AXDND1: variants seen among roughly 807,000 people sequenced by gnomAD.
The protein encoded by AXDND1 is axonemal dynein light chain domain containing 1.
A neutral mutation model predicts 137.5 loss-of-function variants in AXDND1; 110 were observed. The observed-to-expected ratio is 0.80, with a 90% confidence interval of 0.69 to 0.94. The LOEUF (loss-of-function observed/expected upper bound fraction) is 0.94, where lower values mean the gene tolerates loss of function less well. Ranked by LOEUF, AXDND1 falls within the 40% of genes least tolerant of loss-of-function variation. The pLI, the probability that AXDND1 is intolerant of heterozygous loss-of-function variation, is 0.00. For synonymous variants in AXDND1, 414 were observed against 399.7 expected (o/e 1.04, Z -0.43); for missense variants, 1,191 against 1,169.8 (o/e 1.02, Z -0.26).
chr1:179,461,003 C>G (rs889649782), intron 16 of AXDND1, among the ~76,000 whole-genome samples: 1 of 152,118 alleles, frequency 6.6e-6, no homozygotes, highest in Non-Finnish European at 1.5e-5. Flanking sequence ...CTGTAGGTTG[C>G]TTGTTCACTC....
intron 21 of AXDND1, among the ~76,000 whole-genome samples, chr1:179,516,577 G>A (rs1669559660): frequency 6.6e-6 from 1 of 152,132 alleles, no homozygotes; most frequent in African/African-American, 2.4e-5. Flanking sequence ...TTCTCATTTG[G>A]GTAGGCTCTG....
At chr1:179,527,122 G>A (rs1670604641) in intron 22 of AXDND1, among the ~76,000 whole-genome samples, 1 of 152,128 alleles carries the variant, frequency 6.6e-6, no homozygotes, top group Non-Finnish European at 1.5e-5. Flanking sequence ...TAGCCTTAAG[G>A]GCTGCTGGTT....
At chr1:179,418,667 G>A in intron 12 of AXDND1, among the ~76,000 whole-genome samples, 1 of 141,292 alleles carries the variant, frequency 7.1e-6, no homozygotes, top group East Asian at 2.0e-4. Context: ...CGGGTGGGGG[G>A]CCGACACCAC....
chr1:179,504,137 A>G (rs1247315076), intron 20 of AXDND1, among the ~76,000 whole-genome samples: 2 of 152,218 alleles, frequency 1.3e-5, no homozygotes, highest in African/African-American at 4.8e-5. Flanking sequence ...TACTATAGGT[A>G]TATATCACTT....
chr1:179,480,505 T>G (rs1219896796), intron 17 of AXDND1, among the ~76,000 whole-genome samples: 1 of 152,106 alleles, frequency 6.6e-6, no homozygotes. Context: ...CAAGATGAGA[T>G]TTGGGTGGGG....
chr1:179,497,552 A>G (rs1558270070), intron 20 of AXDND1, among the ~76,000 whole-genome samples: 1 of 152,168 alleles, frequency 6.6e-6, no homozygotes, highest in East Asian at 1.9e-4. Context: ...CCAACATCGT[A>G]CTGAATTCAG....
chr1:179,379,342 A>G, intron 5 of AXDND1, 55 bp from the exon 6 acceptor site: 2 of 1,557,162 alleles, frequency 1.3e-6, no homozygotes, highest in South Asian at 1.2e-5. Context: ...GTGCAAGTGA[A>G]TTTTTTCTCT....
At chr1:179,506,979 A>G (rs947597021) in intron 20 of AXDND1, 1 of 842,690 alleles carries the variant, frequency 1.2e-6, no homozygotes, top group African/African-American at 1.8e-5. Flanking sequence ...TGGATCATGG[A>G]TTCTTAATAG....
chr1:179,472,477 A>G (rs1033122200), intron 17 of AXDND1, among the ~76,000 whole-genome samples: 1 of 152,172 alleles, frequency 6.6e-6, no homozygotes, highest in African/African-American at 2.4e-5. Context: ...TTTCATTTTT[A>G]TTGGAGAAAG....
chr1:179,538,843 C>CTCTAAAAACTTGCTTTCTGAA (rs1671806315), intron 25 of AXDND1, among the ~76,000 whole-genome samples: 1 of 151,166 alleles, frequency 6.6e-6, no homozygotes, highest in Non-Finnish European at 1.5e-5. Context: ...CTTTGTAGGT[C>CTCTAAAAACTTGCTTTCTGAA]TCTAAAAACT....
intron 16 of AXDND1, chr1:179,450,540 G>T (rs1273006993): frequency 7.3e-6 from 1 of 136,250 alleles, no homozygotes; most frequent in Non-Finnish European, 1.6e-5. Context: ...ATGAAAATGT[G>T]TGGGATTTTT....
intron 20 of AXDND1, among the ~76,000 whole-genome samples, chr1:179,500,824 A>C (rs1360460925): frequency 6.6e-6 from 1 of 152,148 alleles, no homozygotes; most frequent in African/African-American, 2.4e-5. Flanking sequence ...GGCACAGGCC[A>C]CCATACCTGG....
At chr1:179,526,324 A>G (rs1172639960) in intron 22 of AXDND1, among the ~76,000 whole-genome samples, 1 of 152,170 alleles carries the variant, frequency 6.6e-6, no homozygotes, top group Non-Finnish European at 1.5e-5. Context: ...TATACTTTGC[A>G]CATATTATCT....
intron 16 of AXDND1, among the ~76,000 whole-genome samples, chr1:179,466,357 C>T (rs761320928): frequency 2.1e-5 from 3 of 141,266 alleles, no homozygotes; most frequent in Non-Finnish European, 4.5e-5. Flanking sequence ...AACTCCTAAG[C>T]TCAAGCAGTC....
At chr1:179,527,427 G>A (rs1238723924) in intron 22 of AXDND1, among the ~76,000 whole-genome samples, 5 of 152,124 alleles carry the variant, frequency 3.3e-5, no homozygotes, top group South Asian at 2.1e-4. Flanking sequence ...ATCTGGGGAG[G>A]CAGCCCAGTG....
chr1:179,533,533 C>T (rs1357041637), intron 23 of AXDND1, among the ~76,000 whole-genome samples: 1 of 151,352 alleles, frequency 6.6e-6, no homozygotes, highest in East Asian at 1.9e-4. Context: ...TTACTGTTTC[C>T]CCTGCTTCTT....
chr1:179,473,748 T>A (rs10913783), intron 17 of AXDND1, among the ~76,000 whole-genome samples: 69,392 of 151,942 alleles, frequency 0.46, 16,723 homozygotes, highest in East Asian at 0.76. Context: ...TCTCATGAGA[T>A]CTGATGGTTT....
rs1428441920 is a variant in AXDND1, at chr1:179,379,277, A to G, written c.496-120A>G. The G allele has an allele frequency of 6.6e-6, 7 of 1,063,640 alleles. No homozygotes were observed. The South Asian group carries it at 7.6e-5, about 12-fold the overall frequency. 65.9% of individuals were successfully genotyped at this position (1,063,640 alleles called of 1,614,324 possible). A position where few individuals can be genotyped will look rare whatever the true frequency, so the allele number is the denominator to read the frequency against. On this transcript the variant is annotated intron_variant, in intron 5 of 25. Coordinates refer to ENST00000367618, the MANE Select transcript of AXDND1 (RefSeq NM_144696.6). ...CATTGCTAATATTGTTATTTCTCCA[A>G]TCAAAATTTTTCAACTTAAAAAATA...
intron 4 of AXDND1, among the ~76,000 whole-genome samples, chr1:179,371,577 C>T (rs892591880): frequency 2.0e-5 from 3 of 152,168 alleles, no homozygotes. Context: ...ATACATACCT[C>T]ACCTGGGAAA....
Sources: gnomAD v4.1 joint callset for allele counts (sites outside exome capture counted in the v4.1 genomes callset) on GRCh38, gnomAD v4.1.1 for gene constraint, MANE v1.5 for transcripts, NCBI Gene and HGNC (gene_info 2026-07-23, HGNC 2026-07-21) for gene names.